The following GRM7 variants were observed in gnomAD, a reference collection of about 807,000 sequenced individuals.
The protein encoded by GRM7 is glutamate metabotropic receptor 7.
GRM7 carries 35 observed loss-of-function variants against 84.5 expected under a neutral mutation model. The observed-to-expected ratio is 0.41, with a 90% CI of 0.32 to 0.55. The LOEUF is 0.55. Ranked by LOEUF, GRM7 falls within the 20% of genes least tolerant of loss-of-function variation. GRM7 has a pLI of 0.19. For missense variants in GRM7, 1,003 were observed against 1,194.6 expected (o/e 0.84, Z 2.36); for synonymous variants, 487 against 455.1 (o/e 1.07, Z -0.89).
rs190817537 is a variant in GRM7, at chr3:7,214,381, C to T, written c.736+67713C>T. Among the ~76,000 whole-genome samples the T allele has an allele frequency of 4.6e-3, 700 of 152,274 alleles. 11 individuals are homozygous for T. The highest frequency in any genetic ancestry group is 2.9e-3 in the Non-Finnish European group (196 of 68,020). Reference sequence around the variant, plus strand: ...TGTTCCAAACAATGTTCTAAGTGTTCGAGCTTCAGAAGCAAACAAGACAAA... The same window carrying T: ...TGTTCCAAACAATGTTCTAAGTGTTTGAGCTTCAGAAGCAAACAAGACAAA... On this transcript the variant is annotated intron_variant, in intron 2 of 9. Coordinates refer to ENST00000357716, the MANE Select transcript of GRM7 (RefSeq NM_000844.4).
intron 1 of GRM7, among the ~76,000 whole-genome samples, chr3:7,019,960 G>T (rs367612463): frequency 6.6e-6 from 1 of 152,234 alleles, no homozygotes; most frequent in Admixed American, 6.5e-5. Context: ...GCTGAAGTCC[G>T]CAAAGGAAAA....
intron 2 of GRM7, among the ~76,000 whole-genome samples, chr3:7,180,830 T>C (rs1305786172): frequency 6.6e-6 from 1 of 152,168 alleles, no homozygotes; most frequent in Non-Finnish European, 1.5e-5. Context: ...ATTCCTTTTG[T>C]TCCTACTTTT....
intron 7 of GRM7, among the ~76,000 whole-genome samples, chr3:7,561,882 G>T (rs545729893): frequency 6.6e-6 from 1 of 152,190 alleles, no homozygotes; most frequent in East Asian, 1.9e-4. Flanking sequence ...ACAGCCTTCT[G>T]CCAAACTCCA....
At chr3:7,217,979 T>C (rs990427842) in intron 2 of GRM7, among the ~76,000 whole-genome samples, 2 of 152,048 alleles carry the variant, frequency 1.3e-5, no homozygotes, top group African/African-American at 4.8e-5. Context: ...GACTTTAGTA[T>C]ATGATAGTGT....
intron 5 of GRM7, among the ~76,000 whole-genome samples, chr3:7,430,843 A>G (rs1378485984): frequency 6.6e-6 from 1 of 152,238 alleles, no homozygotes; most frequent in Admixed American, 6.5e-5. Flanking sequence ...ACTAACAAAT[A>G]TAATAAAGAT....
intron 1 of GRM7, among the ~76,000 whole-genome samples, chr3:6,865,144 C>T (rs1211811296): frequency 1.3e-5 from 2 of 152,176 alleles, no homozygotes; most frequent in Non-Finnish European, 2.9e-5. Flanking sequence ...CTCAAAGAAA[C>T]ATCAGGGAGG....
chr3:7,227,071 G>A (rs1439470515), intron 2 of GRM7, among the ~76,000 whole-genome samples: 1 of 152,116 alleles, frequency 6.6e-6, no homozygotes, highest in African/African-American at 2.4e-5. Context: ...ATACCTGGTT[G>A]TAATTTTTAT....
At chr3:7,089,807 G>A (rs1292158796) in intron 1 of GRM7, among the ~76,000 whole-genome samples, 1 of 152,162 alleles carries the variant, frequency 6.6e-6, no homozygotes, top group Non-Finnish European at 1.5e-5. Context: ...CCTGACTAGA[G>A]TAATGCGAGA....
intron 2 of GRM7, 150 bp downstream of exon 2, chr3:7,146,818 T>G: frequency 1.6e-6 from 1 of 621,342 alleles, no homozygotes; most frequent in South Asian, 2.0e-5. Flanking sequence ...CTGTATGACT[T>G]TGTTGTTTTT....
intron 7 of GRM7, among the ~76,000 whole-genome samples, chr3:7,483,779 CTGTATCTA>C (rs1287046143): frequency 1.3e-5 from 2 of 151,640 alleles, no homozygotes; most frequent in African/African-American, 4.9e-5. Flanking sequence ...GATTATGTAT[CTGTATCTA>C]TGTATATATG....
At position 6,870,454 on chromosome 3, in the gene GRM7, G is replaced by T. The variant is rs542056702; in HGVS notation, c.519+8547G>T. Among the ~76,000 whole-genome samples the T allele has an allele frequency of 1.4e-4, 21 of 152,340 alleles. 1 individual carries two copies. In the South Asian group the frequency reaches 4.1e-3, roughly 30 times the overall value. On this transcript the variant is annotated intron_variant, in intron 1 of 9. Transcript: ENST00000357716. ...TAGAGTCAATGAGGAGGAAGGAACA[G>T]CAGGAGGTCTTGAGGTCAGAGATGT...
chr3:6,958,948 A>G (rs1333299874), intron 1 of GRM7, among the ~76,000 whole-genome samples: 1 of 152,190 alleles, frequency 6.6e-6, no homozygotes, highest in Admixed American at 6.5e-5. Context: ...AAAACATAAA[A>G]TTATAACTCA....
chr3:7,518,959 G>A (rs1222637461), intron 7 of GRM7, among the ~76,000 whole-genome samples: 1 of 152,098 alleles, frequency 6.6e-6, no homozygotes, highest in African/African-American at 2.4e-5. Context: ...ACAATCTAGA[G>A]CACTTTTCTG....
At chr3:6,951,118 C>T (rs1692739323) in intron 1 of GRM7, among the ~76,000 whole-genome samples, 1 of 152,226 alleles carries the variant, frequency 6.6e-6, no homozygotes, top group South Asian at 2.1e-4. Context: ...AGAAATCACC[C>T]ATCTTCTGCG....
chr3:7,004,361 A>G (rs1472778566), intron 1 of GRM7, among the ~76,000 whole-genome samples: 4 of 152,160 alleles, frequency 2.6e-5, no homozygotes, highest in Non-Finnish European at 5.9e-5. Context: ...TTTGGTGAAA[A>G]CAATCTTTTT....
chr3:7,549,415 G>A (rs1467496007), intron 7 of GRM7, among the ~76,000 whole-genome samples: 4 of 152,118 alleles, frequency 2.6e-5, no homozygotes, highest in African/African-American at 9.7e-5. Flanking sequence ...AAGAAATGCT[G>A]CAAATCAAGG....
At chr3:6,913,774 C>T (rs1425440954) in intron 1 of GRM7, among the ~76,000 whole-genome samples, 2 of 152,146 alleles carry the variant, frequency 1.3e-5, no homozygotes, top group African/African-American at 2.4e-5. Flanking sequence ...AGTTTTCCAC[C>T]TAACCCTACT....
chr3:7,312,536 A>G (rs937191703), intron 4 of GRM7, among the ~76,000 whole-genome samples: 2 of 152,130 alleles, frequency 1.3e-5, no homozygotes, highest in Non-Finnish European at 2.9e-5. Context: ...GTGAAATTCC[A>G]GTTACCTCAA....
chr3:7,436,618 C>T (rs978826), intron 5 of GRM7, among the ~76,000 whole-genome samples: 49,319 of 152,082 alleles, frequency 0.32, 9,342 homozygotes, highest in Non-Finnish European at 0.44. Context: ...TGAATTCTGT[C>T]ATGCTCCTCT....
Sources: allele counts gnomAD v4.1 joint callset (sites outside exome capture counted in the v4.1 genomes callset), GRCh38; gene constraint gnomAD v4.1.1; transcripts MANE v1.5; gene names NCBI Gene and HGNC (gene_info 2026-07-23, HGNC 2026-07-21).